The following N4BP2 variants were observed in gnomAD, a reference collection of about 807,000 sequenced individuals.
N4BP2 encodes NEDD4-binding protein 2.
A neutral mutation model predicts 152.8 loss-of-function variants in N4BP2; 91 were observed. That is an observed-to-expected ratio of 0.60 (90% CI 0.50 to 0.71). The LOEUF (loss-of-function observed/expected upper bound fraction) is 0.71. Among genes scored for constraint, N4BP2 ranks in the 30% least tolerant of loss-of-function variants. N4BP2 has a pLI of 0.00. For missense variants in N4BP2, 1,923 were observed against 2,059.1 expected (o/e 0.93, Z 1.28); for synonymous variants, 646 against 705.3 (o/e 0.92, Z 1.33).
chr4:40,092,267 G>A (rs1044455500), intron 2 of N4BP2, among the ~76,000 whole-genome samples: 5 of 150,510 alleles, frequency 3.3e-5, no homozygotes, highest in African/African-American at 9.7e-5. Flanking sequence ...TTCCATTGAA[G>A]CTATTTGGCC....
intron 1 of N4BP2, among the ~76,000 whole-genome samples, chr4:40,064,847 G>T (rs1733920677): frequency 6.6e-6 from 1 of 151,710 alleles, no homozygotes; most frequent in South Asian, 2.1e-4. Flanking sequence ...TCGGCTCACT[G>T]CAACCTCCGC....
chr4:40,127,859 C>T (rs570454496), intron 12 of N4BP2, among the ~76,000 whole-genome samples: 5 of 152,152 alleles, frequency 3.3e-5, no homozygotes, highest in Non-Finnish European at 7.3e-5. Flanking sequence ...GACGGGGTTT[C>T]ACCGTGTTAG....
At chr4:40,145,095 T>C (rs1397512162) in intron 16 of N4BP2, among the ~76,000 whole-genome samples, 2 of 152,230 alleles carry the variant, frequency 1.3e-5, no homozygotes, top group Non-Finnish European at 2.9e-5. Context: ...GAATATTACA[T>C]ATCTTTGTCC....
chr4:40,187,207 T>C, the N4BP2 span, among the ~76,000 whole-genome samples: 3 of 152,138 alleles, frequency 2.0e-5, no homozygotes, highest in Non-Finnish European at 4.4e-5. Context: ...TCTCTTGAAG[T>C]AAGGAAAACT....
intron 5 of N4BP2, among the ~76,000 whole-genome samples, chr4:40,108,340 T>A (rs1175625437): frequency 6.6e-6 from 1 of 151,872 alleles, no homozygotes; most frequent in East Asian, 1.9e-4. Context: ...TGAGACGAAG[T>A]CTTGCTTTGT....
At chr4:40,116,347 TTTTG>T (rs1480460315) in intron 7 of N4BP2, among the ~76,000 whole-genome samples, 1 of 152,144 alleles carries the variant, frequency 6.6e-6, no homozygotes, top group African/African-American at 2.4e-5. Context: ...ATTCTGTGCT[TTTTG>T]TTTATCTCGC....
chr4:40,159,554 A>C (rs1721800303), downstream of N4BP2, among the ~76,000 whole-genome samples: 1 of 152,166 alleles, frequency 6.6e-6, no homozygotes, highest in South Asian at 2.1e-4. Context: ...ACAAAGAAAA[A>C]GGGAGCAAAA....
intron 3 of N4BP2, among the ~76,000 whole-genome samples, chr4:40,098,471 T>C (rs747551757): frequency 3.3e-5 from 5 of 152,190 alleles, no homozygotes; most frequent in African/African-American, 4.8e-5. Context: ...AGGGAGTTTA[T>C]ATAAGTTGGC....
intron 2 of N4BP2, among the ~76,000 whole-genome samples, chr4:40,085,812 C>T (rs1578987248): frequency 6.6e-6 from 1 of 152,088 alleles, no homozygotes; most frequent in East Asian, 1.9e-4. Flanking sequence ...TCTAGAAAGA[C>T]AAGAACTGAG....
chr4:40,174,785 G>A, the N4BP2 span, among the ~76,000 whole-genome samples: 1 of 152,004 alleles, frequency 6.6e-6, no homozygotes, highest in Non-Finnish European at 1.5e-5. Context: ...CTGGGCGACA[G>A]AGTGAGATGC....
chr4:40,085,413 C>T (rs1342822640), intron 2 of N4BP2, among the ~76,000 whole-genome samples: 2 of 152,172 alleles, frequency 1.3e-5, no homozygotes, highest in Admixed American at 1.3e-4. Flanking sequence ...AGAAGAGTTG[C>T]TGGCTGAAGA....
intron 14 of N4BP2, 77 bp from the exon 15 acceptor site, chr4:40,142,596 G>C: frequency 1.0e-6 from 1 of 958,106 alleles, no homozygotes; most frequent in Non-Finnish European, 1.6e-6. Context: ...GTTTTCATGT[G>C]CGTTTTGTGA....
intron 14 of N4BP2, among the ~76,000 whole-genome samples, chr4:40,138,178 T>C (rs1460249776): frequency 6.6e-6 from 1 of 152,248 alleles, no homozygotes; most frequent in African/African-American, 2.4e-5. Context: ...TTGCATTTCC[T>C]TGATGACTAT....
chr4:40,098,377 T>C (rs1715293206), intron 3 of N4BP2, among the ~76,000 whole-genome samples: 1 of 152,136 alleles, frequency 6.6e-6, no homozygotes, highest in Admixed American at 6.6e-5. Flanking sequence ...AGGATTGAGT[T>C]TTAGTTTTTT....
intron 7 of N4BP2, among the ~76,000 whole-genome samples, chr4:40,116,063 G>T (rs182130906): frequency 6.6e-6 from 1 of 152,028 alleles, no homozygotes; most frequent in African/African-American, 2.4e-5. Flanking sequence ...TTTGTCTTTA[G>T]TAGTGATTTT....
At chr4:40,138,426 A>G (rs1044469856) in intron 14 of N4BP2, among the ~76,000 whole-genome samples, 6 of 152,144 alleles carry the variant, frequency 3.9e-5, no homozygotes, top group African/African-American at 1.4e-4. Context: ...AGCCTTTTAA[A>G]TTTGATGTAG....
intron 1 of N4BP2, chr4:40,057,318 A>T (rs1177183023): frequency 6.6e-6 from 1 of 152,402 alleles, no homozygotes; most frequent in African/African-American, 2.4e-5. Context: ...TTGGCCTCCG[A>T]GTGCCTGGCG....
rs1439496782 is a variant in N4BP2, at chr4:40,157,625, A to G, written c.*3388A>G. The G allele has an allele frequency of 6.6e-6, 1 of 152,162 alleles. No individual in the cohort carries two copies. Among genetic ancestry groups the G allele is most frequent in the Non-Finnish European group, 1.5e-5 (1 of 68,006 alleles). The allele number at this position is 152,162 out of a possible 1,614,324, so 9.4% of individuals were successfully genotyped here. A position where few individuals can be genotyped will look rare whatever the true frequency, so the allele number is the denominator to read the frequency against. On this transcript the variant is annotated 3_prime_UTR_variant, in exon 18 of 18. Transcript: ENST00000261435. ...AAAATAACGTGTGCTGTTTTTTCCA[A>G]GTGCTTTTTCTAAGTGCTTTTCCAT...
intron 1 of N4BP2, among the ~76,000 whole-genome samples, chr4:40,070,135 AC>A (rs1712002152): frequency 6.6e-6 from 1 of 152,122 alleles, no homozygotes; most frequent in African/African-American, 2.4e-5. Context: ...GCTTGATTCA[AC>A]AATTGTTACC....
Sources: allele counts gnomAD v4.1 joint callset (sites outside exome capture counted in the v4.1 genomes callset), GRCh38; gene constraint gnomAD v4.1.1; transcripts MANE v1.5; gene names NCBI Gene and HGNC (gene_info 2026-07-23, HGNC 2026-07-21).